Variants in CDKAL1 observed in about 807,000 individuals in gnomAD.
CDKAL1 encodes CDKAL1 threonylcarbamoyladenosine tRNA methylthiotransferase.
A neutral mutation model predicts 68.2 loss-of-function variants in CDKAL1; 32 were observed. That is an observed-to-expected ratio of 0.47 (90% confidence interval 0.35 to 0.63). The LOEUF is 0.63. CDKAL1 is among the 30% of genes least tolerant of loss of function. The probability of loss-of-function intolerance (pLI) is 0.00; values close to 1 mark genes in which losing one functional copy is unlikely to be tolerated. For synonymous variants in CDKAL1, 234 were observed against 244.3 expected (o/e 0.96, Z 0.39); for missense variants, 606 against 696.7 (o/e 0.87, Z 1.47).
intron 5 of CDKAL1, among the ~76,000 whole-genome samples, chr6:20,666,688 CT>C (rs35042364): frequency 0.47 from 63,610 of 135,528 alleles, 14,356 homozygotes; most frequent in African/African-American, 0.55. Flanking sequence ...CCAAAGAATC[CT>C]TTTTTTTTTT....
At chr6:20,814,877 G>T (rs1776979105) in intron 8 of CDKAL1, among the ~76,000 whole-genome samples, 1 of 152,142 alleles carries the variant, frequency 6.6e-6, no homozygotes, top group Non-Finnish European at 1.5e-5. Context: ...CACTGACTTA[G>T]TGTTAATGAT....
At chr6:20,961,018 T>C (rs1166739478) in intron 10 of CDKAL1, among the ~76,000 whole-genome samples, 3 of 152,220 alleles carry the variant, frequency 2.0e-5, no homozygotes, top group Non-Finnish European at 4.4e-5. Flanking sequence ...TACATTAAAA[T>C]CAGACAGTTT....
At chr6:21,038,698 C>T (rs1225057870) in intron 11 of CDKAL1, among the ~76,000 whole-genome samples, 2 of 151,964 alleles carry the variant, frequency 1.3e-5, no homozygotes, top group Non-Finnish European at 2.9e-5. Flanking sequence ...TTTTGGGGCT[C>T]ATCAGCTATC....
In CDKAL1 at chr6:20,693,744, C is replaced by A. The variant is rs180992971; in HGVS notation, c.371+44367C>A. Among the ~76,000 whole-genome samples, 1,357 of 152,290 alleles carry A rather than the reference C, an allele frequency of 8.9e-3. 24 individuals are homozygous for A. The highest frequency in any genetic ancestry group is 0.031 in the African/African-American group (1,279 of 41,564). On this transcript the variant is annotated intron_variant, in intron 5 of 15. Coordinates refer to ENST00000274695, the MANE Select transcript of CDKAL1 (RefSeq NM_017774.3). ...CTTAATGAGAATAACTGAAGTAATA[C>A]TAAAAGCTTTCATAAGACCTGGTTA...
chr6:20,822,607 T>C (rs573461363), intron 8 of CDKAL1, among the ~76,000 whole-genome samples: 1 of 152,290 alleles, frequency 6.6e-6, no homozygotes, highest in South Asian at 2.1e-4. Context: ...GTAATCCGCA[T>C]AATCCCCATG....
At chr6:20,540,291 T>A (rs1252716268) in intron 2 of CDKAL1, among the ~76,000 whole-genome samples, 4 of 151,384 alleles carry the variant, frequency 2.6e-5, no homozygotes, top group Non-Finnish European at 4.4e-5. Flanking sequence ...GACAGGCTGG[T>A]CTTGAACTCC....
intron 8 of CDKAL1, among the ~76,000 whole-genome samples, chr6:20,798,618 A>G (rs1776215935): frequency 6.6e-6 from 1 of 152,110 alleles, no homozygotes; most frequent in Non-Finnish European, 1.5e-5. Flanking sequence ...TTGTAGGGAC[A>G]TGGATGAAGC....
At chr6:20,694,491 CA>C (rs1288650151) in intron 5 of CDKAL1, among the ~76,000 whole-genome samples, 1 of 152,186 alleles carries the variant, frequency 6.6e-6, no homozygotes, top group Non-Finnish European at 1.5e-5. Flanking sequence ...TCTACTCCCA[CA>C]GCTTGCATAT....
intron 13 of CDKAL1, among the ~76,000 whole-genome samples, chr6:21,159,147 A>G (rs1391933840): frequency 7.0e-6 from 1 of 142,988 alleles, no homozygotes; most frequent in African/African-American, 2.6e-5. Flanking sequence ...GTAATGTCTC[A>G]TCAAAAAAAG....
chr6:20,825,791 G>T (rs777870894), intron 8 of CDKAL1, among the ~76,000 whole-genome samples: 2 of 152,000 alleles, frequency 1.3e-5, no homozygotes, highest in Non-Finnish European at 2.9e-5. Context: ...TTGATTATTT[G>T]TTGTAACTTA....
At chr6:20,700,287 G>A (rs1280042162) in intron 5 of CDKAL1, among the ~76,000 whole-genome samples, 2 of 151,476 alleles carry the variant, frequency 1.3e-5, no homozygotes, top group African/African-American at 4.8e-5. Context: ...CCTGGGAGCC[G>A]GAGGTTGCGG....
At chr6:21,005,384 A>T in intron 11 of CDKAL1, among the ~76,000 whole-genome samples, 1 of 152,254 alleles carries the variant, frequency 6.6e-6, no homozygotes, top group East Asian at 1.9e-4. Context: ...CACACATTAA[A>T]ATGTGAAAGA....
chr6:20,622,673 T>C (rs1767246987), intron 4 of CDKAL1, among the ~76,000 whole-genome samples: 1 of 152,102 alleles, frequency 6.6e-6, no homozygotes, highest in Non-Finnish European at 1.5e-5. Flanking sequence ...TCAGTGATTC[T>C]GTATTGTTCT....
At chr6:21,127,872 G>C (rs866328771) in intron 13 of CDKAL1, among the ~76,000 whole-genome samples, 3 of 152,202 alleles carry the variant, frequency 2.0e-5, no homozygotes, top group Non-Finnish European at 4.4e-5. Flanking sequence ...GAATGGTACA[G>C]TAGAGTCTGA....
intron 5 of CDKAL1, among the ~76,000 whole-genome samples, chr6:20,739,044 A>G (rs1319382719): frequency 6.6e-6 from 1 of 152,186 alleles, no homozygotes; most frequent in Admixed American, 6.5e-5. Context: ...ACTAGCACGT[A>G]GGGTATTATA....
chr6:20,686,440 G>A (rs901441605), intron 5 of CDKAL1, among the ~76,000 whole-genome samples: 3 of 152,200 alleles, frequency 2.0e-5, no homozygotes, highest in Non-Finnish European at 2.9e-5. Flanking sequence ...AACTGTGCAT[G>A]TGAGGTATCC....
At position 20,929,800 on chromosome 6, in the gene CDKAL1, A is replaced by G. The variant is rs537701950; in HGVS notation, c.743-25619A>G. On this transcript the variant is annotated intron_variant, in intron 9 of 15. Transcript: ENST00000274695. ...CTGCTGATGGCTCCTTTTAATTCCC[A>G]TCAGCTGAGGGCTGACTCAGTCAAC... Among the ~76,000 whole-genome samples the G allele has an allele frequency of 3.3e-5, 5 of 152,172 alleles. No individual in the cohort carries two copies. The East Asian group carries it at 9.7e-4, about 29-fold the overall frequency.
intron 5 of CDKAL1, among the ~76,000 whole-genome samples, chr6:20,677,714 C>A (rs185359337): frequency 6.6e-6 from 1 of 152,276 alleles, no homozygotes; most frequent in African/African-American, 2.4e-5. Flanking sequence ...CCATGCATGG[C>A]GAGAGCTAAG....
chr6:20,739,110 T>C (rs1773330291), intron 5 of CDKAL1, among the ~76,000 whole-genome samples: 1 of 152,178 alleles, frequency 6.6e-6, no homozygotes, highest in Non-Finnish European at 1.5e-5. Context: ...TACTTTTATA[T>C]TGGTCAAAAG....
Sources: gnomAD v4.1 joint callset for allele counts (sites outside exome capture counted in the v4.1 genomes callset) on GRCh38, gnomAD v4.1.1 for gene constraint, MANE v1.5 for transcripts, NCBI Gene and HGNC (gene_info 2026-07-23, HGNC 2026-07-21) for gene names.